Variants in ZNF24 observed in about 807,000 individuals in gnomAD.
The protein encoded by ZNF24 is retinoic acid suppression protein A.
ZNF24 carries 11 observed loss-of-function variants against 40.9 expected under a neutral mutation model. That is an observed-to-expected ratio of 0.27 (90% confidence interval 0.17 to 0.45). The LOEUF (loss-of-function observed/expected upper bound fraction) is 0.45, where lower values mean the gene tolerates loss of function less well. Among genes scored for constraint, ZNF24 ranks in the 20% least tolerant of loss-of-function variants. The pLI is 1.00. For synonymous variants in ZNF24, 139 were observed against 154.7 expected (o/e 0.90, Z 0.75); for missense variants, 293 against 437.7 (o/e 0.67, Z 2.95).
At position 35,338,900 on chromosome 18, in the gene ZNF24, T is replaced by C. The variant is rs77999584; in HGVS notation, c.568+929A>G. 172 of 1,417,254 alleles carry C rather than the reference T, an allele frequency of 1.2e-4. 1 individual carries two copies. The African/African-American group carries it at 2.4e-3, about 20-fold the overall frequency. The allele number at this position is 1,417,254 out of a possible 1,614,324, so 87.8% of individuals were successfully genotyped here. On this transcript the variant is annotated intron_variant, in intron 3 of 3. Coordinates refer to ENST00000261332, the MANE Select transcript of ZNF24 (RefSeq NM_006965.4). Reference sequence around the variant, plus strand: ...ATCAAGAATGATACTTCTCAAACTTTATTGCACAGAAGAATGTCCCATGAA... The same window carrying C: ...ATCAAGAATGATACTTCTCAAACTTCATTGCACAGAAGAATGTCCCATGAA...
At chr18:35,343,394 A>C (rs1013320528) in intron 1 of ZNF24, among the ~76,000 whole-genome samples, 2 of 152,192 alleles carry the variant, frequency 1.3e-5, no homozygotes, top group African/African-American at 4.8e-5. Context: ...ACCTTCAGTG[A>C]AACTGTATAC....
chr18:35,340,712 C>CTGT lies in ZNF24; in HGVS notation c.-63_-62insACA. ...CAGAATATAAGCCTCAGGGCAATACCCCGTTTTCTTCACAGGCACTCCTGA... is the reference window on the plus strand; with the variant it reads ...CAGAATATAAGCCTCAGGGCAATACCTGTCCGTTTTCTTCACAGGCACTCCTGA... On this transcript the variant is annotated 5_prime_UTR_variant, in exon 2 of 4. Coordinates refer to ENST00000261332, the MANE Select transcript of ZNF24 (RefSeq NM_006965.4). This position sits in a 1 kb window ranked among gnomAD's most constrained non-coding sequence, Gnocchi z 4.6. 1 of 1,494,626 alleles carries CTGT rather than the reference C, an allele frequency of 6.7e-7. No homozygotes were observed. The highest frequency in any genetic ancestry group is 1.3e-5 in the South Asian group (1 of 78,852). 92.6% of individuals were successfully genotyped at this position (1,494,626 alleles called of 1,614,324 possible). A position where few individuals can be genotyped will look rare whatever the true frequency, so the allele number is the denominator to read the frequency against.
At chr18:35,338,715 T>C (rs1451984376) in intron 3 of ZNF24, 3 of 1,150,316 alleles carry the variant, frequency 2.6e-6, no homozygotes, top group Admixed American at 4.7e-5. Flanking sequence ...GCTTGGAGAC[T>C]TGAAAAACAG....
intron 1 of ZNF24, among the ~76,000 whole-genome samples, chr18:35,342,014 GGTGAAACCCT>G (rs2044972875): frequency 6.6e-6 from 1 of 152,160 alleles, no homozygotes; most frequent in African/African-American, 2.4e-5. Context: ...TGGCCAACAT[GGTGAAACCCT>G]GTCTCTACTA....
chr18:35,340,101 A>T lies in ZNF24; in HGVS notation c.421-125T>A, dbSNP rs1196572277. Reference sequence around the variant, plus strand: ...AGATGGCAAAGCGGCACAGATAACAAGGAGTGGTAGGGGAATGGGGGAAAA... The same window carrying T: ...AGATGGCAAAGCGGCACAGATAACATGGAGTGGTAGGGGAATGGGGGAAAA... On this transcript the variant is annotated intron_variant, in intron 2 of 3. Coordinates refer to ENST00000261332, the MANE Select transcript of ZNF24 (RefSeq NM_006965.4). The surrounding 1 kb of genome is among the most constrained non-coding windows in gnomAD (Gnocchi z 4.6). 6.8e-7 allele frequency: 1 copy of T among 1,479,956 alleles called. No homozygotes were observed. Among genetic ancestry groups the T allele is most frequent in the East Asian group, 2.3e-5 (1 of 43,822 alleles). 91.7% of individuals were successfully genotyped at this position (1,479,956 alleles called of 1,614,324 possible). A position where few individuals can be genotyped will look rare whatever the true frequency, so the allele number is the denominator to read the frequency against.
chr18:35,340,064 C>G lies in ZNF24; in HGVS notation c.421-88G>C. On this transcript the variant is annotated intron_variant, in intron 2 of 3. Coordinates refer to ENST00000261332, the MANE Select transcript of ZNF24 (RefSeq NM_006965.4). This position sits in a 1 kb window ranked among gnomAD's most constrained non-coding sequence, Gnocchi z 4.6. ...TAAGAGAAACCCCATGAAACAAATA[C>G]TGCAGAAGCCTAGATGGCAAAGCGG... The G allele has an allele frequency of 1.3e-6, 2 of 1,517,340 alleles. No homozygotes were observed. Among genetic ancestry groups the G allele is most frequent in the Admixed American group, 3.8e-5 (2 of 52,722 alleles). The allele number at this position is 1,517,340 out of a possible 1,614,324, so 94.0% of individuals were successfully genotyped here.
At chr18:35,342,778 TAA>T (rs1239241116) in intron 1 of ZNF24, 2 of 152,242 alleles carry the variant, frequency 1.3e-5, no homozygotes, top group Admixed American at 1.3e-4. Context: ...TGAAATAGCC[TAA>T]CATATTTCTC....
At position 35,333,585 on chromosome 18, in the gene ZNF24, A is replaced by C. The variant is rs1219432871; in HGVS notation, c.*3647T>G. 1 of 152,206 alleles carries C rather than the reference A, an allele frequency of 6.6e-6. No individual in the cohort carries two copies. The highest frequency in any genetic ancestry group is 6.5e-5 in the Admixed American group (1 of 15,278). The allele number at this position is 152,206 out of a possible 1,614,324, so 9.4% of individuals were successfully genotyped here. A position where few individuals can be genotyped will look rare whatever the true frequency, so the allele number is the denominator to read the frequency against. On this transcript the variant is annotated 3_prime_UTR_variant, in exon 4 of 4. Coordinates refer to ENST00000261332, the MANE Select transcript of ZNF24 (RefSeq NM_006965.4). ...GATGTTCCTCCTCATTAATATTCAAAGAAAAGAAAGAAATTTTGCCTACCA... is the reference window on the plus strand; with the variant it reads ...GATGTTCCTCCTCATTAATATTCAACGAAAAGAAAGAAATTTTGCCTACCA...
At chr18:35,342,031 A>C (rs2044973046) in intron 1 of ZNF24, among the ~76,000 whole-genome samples, 1 of 152,190 alleles carries the variant, frequency 6.6e-6, no homozygotes, top group African/African-American at 2.4e-5. Context: ...CCCTGTCTCT[A>C]CTAAAAATAC....
chr18:35,337,770 T>C lies in ZNF24; in HGVS notation c.569A>G (p.Asp190Gly). Reference sequence around the variant, plus strand: ...TCCATTTTCAGTCCTACCATCATCATCTGAAATAAACAGAAAATGTAAATA... The same window carrying C: ...TCCATTTTCAGTCCTACCATCATCACCTGAAATAAACAGAAAATGTAAATA... ...SWELHSLRHCDDDGRTENGAL... is the reference protein window; with the variant it reads ...SWELHSLRHCGDDGRTENGAL... Residue 190 changes from aspartate (D) to glycine (G), a missense_variant and splice_region_variant, in exon 4 of 4, where the codon GAT (aspartate) becomes GGT (glycine). Physicochemically the swap from Asp to Gly is moderately conservative, Grantham distance 94. Coordinates refer to ENST00000261332, the MANE Select transcript of ZNF24 (RefSeq NM_006965.4). The C allele has an allele frequency of 6.4e-7, 1 of 1,551,426 alleles. No individual in the cohort carries two copies. The highest frequency in any genetic ancestry group is 8.7e-7 in the Non-Finnish European group (1 of 1,155,780).
chr18:35,340,175 T>C lies in ZNF24; in HGVS notation c.420+56A>G. ...GTTGAGTGGAATTAATTCAGCAGCT[T>C]TGCCTACTACCTATGCCAGTGCTTC... On this transcript the variant is annotated intron_variant, in intron 2 of 3. Coordinates refer to ENST00000261332, the MANE Select transcript of ZNF24 (RefSeq NM_006965.4). The surrounding 1 kb of genome is among the most constrained non-coding windows in gnomAD (Gnocchi z 4.6). 6.4e-7 allele frequency: 1 copy of C among 1,570,008 alleles called. No individual in the cohort carries two copies. The highest frequency in any genetic ancestry group is 8.7e-7 in the Non-Finnish European group (1 of 1,153,118).
In ZNF24 at chr18:35,333,861, TTAAA is replaced by T. The variant is rs1474630106; in HGVS notation, c.*3367_*3370del. On this transcript the variant is annotated 3_prime_UTR_variant, in exon 4 of 4. Transcript: ENST00000261332. ...AACCTAATTATCAATCCATAGGGGA[TTAAA>T]TAAATTACAGAATATTCATGCAATG... 6.6e-6 allele frequency: 1 copy of T among 152,164 alleles called. No individual in the cohort carries two copies. The highest frequency in any genetic ancestry group is 1.5e-5 in the Non-Finnish European group (1 of 68,032). The allele number at this position is 152,164 out of a possible 1,614,324, so 9.4% of individuals were successfully genotyped here.
rs1046297892 is a variant in ZNF24, at chr18:35,333,859, G to A, written c.*3373C>T. 2.0e-5 allele frequency: 3 copies of A among 152,078 alleles called. No homozygotes were observed. Among genetic ancestry groups the A allele is most frequent in the Non-Finnish European group, 4.4e-5 (3 of 68,024 alleles). The allele number at this position is 152,078 out of a possible 1,614,324, so 9.4% of individuals were successfully genotyped here. On this transcript the variant is annotated 3_prime_UTR_variant, in exon 4 of 4. Coordinates refer to ENST00000261332, the MANE Select transcript of ZNF24 (RefSeq NM_006965.4). The stretch of plus-strand genomic sequence containing the variant: ...TGAACCTAATTATCAATCCATAGGG[G>A]ATTAAATAAATTACAGAATATTCAT...
intron 1 of ZNF24, among the ~76,000 whole-genome samples, chr18:35,342,274 G>A (rs1326507777): frequency 6.6e-6 from 1 of 151,852 alleles, no homozygotes; most frequent in South Asian, 2.1e-4. Flanking sequence ...TGTATTTTAA[G>A]TGAAGTGTTA....
intron 3 of ZNF24, chr18:35,338,591 T>C (rs2044934134): frequency 2.1e-5 from 21 of 989,492 alleles, no homozygotes; most frequent in South Asian, 4.7e-5. Flanking sequence ...CCAGTTCATA[T>C]AGGGTTAGCA....
intron 1 of ZNF24, chr18:35,343,636 T>C (rs1442255211): frequency 1.3e-5 from 2 of 152,224 alleles, no homozygotes; most frequent in South Asian, 2.1e-4. Flanking sequence ...GGTGGCCTTA[T>C]ACATAAGGTC....
chr18:35,343,344 T>C (rs1416833347), intron 1 of ZNF24, among the ~76,000 whole-genome samples: 41 of 152,196 alleles, frequency 2.7e-4, no homozygotes, highest in Admixed American at 2.7e-3. Flanking sequence ...GTCCAGTGTC[T>C]TGTCCTTACA....
chr18:35,337,834 A>G, intron 3 of ZNF24, 64 bp from the exon 4 acceptor site: 1 of 1,460,798 alleles, frequency 6.8e-7, no homozygotes, highest in East Asian at 2.3e-5. Flanking sequence ...ACCTAAAAAA[A>G]ATTTTTTTTT....
At position 35,335,208 on chromosome 18, in the gene ZNF24, A is replaced by C. The variant is rs145460873; in HGVS notation, c.*2024T>G. The C allele has an allele frequency of 1.3e-5, 2 of 152,330 alleles. No individual in the cohort carries two copies. Among genetic ancestry groups the C allele is most frequent in the East Asian group, 3.9e-4 (2 of 5,192 alleles). The allele number at this position is 152,330 out of a possible 1,614,324, so 9.4% of individuals were successfully genotyped here. A position where few individuals can be genotyped will look rare whatever the true frequency, so the allele number is the denominator to read the frequency against. ...GGAAAGAAGCCAGTTATAAATAAATAAATCACATCATTTATCTTAGAGCAG... is the reference window on the plus strand; with the variant it reads ...GGAAAGAAGCCAGTTATAAATAAATCAATCACATCATTTATCTTAGAGCAG... On this transcript the variant is annotated 3_prime_UTR_variant, in exon 4 of 4. Coordinates refer to ENST00000261332, the MANE Select transcript of ZNF24 (RefSeq NM_006965.4).
Sources: gnomAD v4.1 joint callset for allele counts (sites outside exome capture counted in the v4.1 genomes callset) on GRCh38, gnomAD v4.1.1 for gene constraint, Gnocchi (gnomAD v3.1) non-coding constraint, MANE v1.5 for transcripts, NCBI Gene and HGNC (gene_info 2026-07-23, HGNC 2026-07-21) for gene names.